SIN3A: variants seen among roughly 807,000 people sequenced by gnomAD.
SIN3A encodes the protein SIN3 transcription regulator family member A, also known as paired amphipathic helix protein Sin3a.
In SIN3A, 14 loss-of-function variants were observed where a neutral mutation model predicts 146.1. The ratio of observed to expected loss-of-function variants is 0.10; its 90% CI spans 0.06 to 0.15. The LOEUF is 0.15. SIN3A is among the 10% of genes least tolerant of loss of function. The pLI is 1.00. For synonymous variants in SIN3A, 572 were observed against 572.0 expected (o/e 1.00, Z 0.00); for missense variants, 1,028 against 1,576.0 (o/e 0.65, Z 5.89).
At position 75,373,823 on chromosome 15, in the gene SIN3A, T is replaced by C. The variant is rs528164323; in HGVS notation, c.3592-1614A>G. ...TACATACAACATACAAAATATGTTG[T>C]TTATCAGTAAGCCTTCCAGTCAGTA... On this transcript the variant is annotated intron_variant, in intron 20 of 20. Coordinates refer to ENST00000394947, the MANE Select transcript of SIN3A (RefSeq NM_001145358.2). 9.9e-5 allele frequency among the ~76,000 whole-genome samples: 15 copies of C among 152,200 alleles called. 1 individual carries two copies. The East Asian group carries it at 2.1e-3, about 22-fold the overall frequency.
intron 1 of SIN3A, among the ~76,000 whole-genome samples, chr15:75,433,639 T>C (rs2074053006): frequency 6.6e-6 from 1 of 151,236 alleles, no homozygotes; most frequent in African/African-American, 2.4e-5. Flanking sequence ...TGAAACCCCG[T>C]CTCTACTAAA....
At position 75,411,600 on chromosome 15, in the gene SIN3A, T is replaced by G; in HGVS notation, c.900A>C (p.Gln300His). Residue 300 changes from glutamine to histidine, a missense_variant, in exon 6 of 21, where the codon CAA becomes CAC. Gln to His is a conservative substitution (Grantham distance 24). Coordinates refer to ENST00000394947, the MANE Select transcript of SIN3A (RefSeq NM_001145358.2). The stretch of plus-strand genomic sequence containing the variant: ...TGATGGCATGATTAAACTCCACAGG[T>G]TGATTGTTCTGCAAGGATGGGGCCG... Reference protein sequence around the residue: ...LGTAPSLQNNQPVEFNHAINY... With the variant: ...LGTAPSLQNNHPVEFNHAINY... The G allele has an allele frequency of 6.2e-7, 1 of 1,614,054 alleles. No individual in the cohort carries two copies. Among genetic ancestry groups the G allele is most frequent in the Non-Finnish European group, 8.5e-7 (1 of 1,180,004 alleles).
upstream of SIN3A, among the ~76,000 whole-genome samples, chr15:75,452,664 A>G (rs1020482207): frequency 4.6e-5 from 7 of 152,218 alleles, no homozygotes; most frequent in Non-Finnish European, 1.0e-4. Flanking sequence ...GGCGGGCTCT[A>G]ACAGCCACCG....
At chr15:75,427,425 T>C (rs1015881188) in intron 2 of SIN3A, among the ~76,000 whole-genome samples, 3 of 151,782 alleles carry the variant, frequency 2.0e-5, no homozygotes, top group Admixed American at 2.0e-4. Context: ...ATCCCAGCAC[T>C]TTGGAAGGCA....
chr15:75,426,199 C>G (rs1186158308), intron 2 of SIN3A, among the ~76,000 whole-genome samples: 2 of 152,176 alleles, frequency 1.3e-5, no homozygotes, highest in Non-Finnish European at 2.9e-5. Context: ...CCAAGGTAAA[C>G]AAGCAACTTT....
At chr15:75,438,688 C>CA (rs912228441) in intron 1 of SIN3A, among the ~76,000 whole-genome samples, 19 of 151,530 alleles carry the variant, frequency 1.3e-4, no homozygotes, top group Non-Finnish European at 2.5e-4. Context: ...GACCCTGTCT[C>CA]AAAAAAACAA....
chr15:75,390,451 A>G (rs1256750601), intron 15 of SIN3A, among the ~76,000 whole-genome samples: 1 of 152,256 alleles, frequency 6.6e-6, no homozygotes, highest in Non-Finnish European at 1.5e-5. Flanking sequence ...AATCATTTCA[A>G]TCACTAGCTA....
At position 75,394,645 on chromosome 15, in the gene SIN3A, G is replaced by C. The variant is rs9972310; in HGVS notation, c.2277+35C>G. 1.3e-3 allele frequency: 2,009 copies of C among 1,540,474 alleles called. 18 individuals carry two copies. In the African/African-American group the frequency reaches 0.021, roughly 16 times the overall value. ...TCAAAGCTGTGCTAAATATAGACTA[G>C]AGTCCTCTCACAGATGCAGAAACCC... On this transcript the variant is annotated intron_variant, in intron 14 of 20. Coordinates refer to ENST00000394947, the MANE Select transcript of SIN3A (RefSeq NM_001145358.2).
intron 1 of SIN3A, chr15:75,436,445 T>A (rs1273091227): frequency 3.3e-5 from 5 of 152,082 alleles, no homozygotes; most frequent in Non-Finnish European, 5.9e-5. Flanking sequence ...CACTCGAGCC[T>A]GGACAAAAAA....
chr15:75,393,688 A>C (rs2073251203), intron 14 of SIN3A, among the ~76,000 whole-genome samples: 1 of 151,836 alleles, frequency 6.6e-6, no homozygotes, highest in African/African-American at 2.4e-5. Context: ...CTATCTTTCA[A>C]AATTCTGGAT....
chr15:75,418,246 G>C (rs1338687226), intron 3 of SIN3A, among the ~76,000 whole-genome samples: 1 of 152,016 alleles, frequency 6.6e-6, no homozygotes, highest in Non-Finnish European at 1.5e-5. Context: ...TGGCCAGGCT[G>C]GTCTCAATCT....
chr15:75,374,958 C>G (rs372812543), intron 20 of SIN3A, among the ~76,000 whole-genome samples: 1 of 152,120 alleles, frequency 6.6e-6, no homozygotes, highest in Non-Finnish European at 1.5e-5. Flanking sequence ...ACACCCTATA[C>G]GCAGCTGCAC....
intron 2 of SIN3A, among the ~76,000 whole-genome samples, chr15:75,424,263 C>T (rs2073887916): frequency 6.6e-6 from 1 of 151,842 alleles, no homozygotes; most frequent in Non-Finnish European, 1.5e-5. Flanking sequence ...GGAGAAACCC[C>T]ATCTCTACTG....
chr15:75,444,349 G>A (rs1192529306), intron 1 of SIN3A, among the ~76,000 whole-genome samples: 1 of 152,108 alleles, frequency 6.6e-6, no homozygotes, highest in Non-Finnish European at 1.5e-5. Flanking sequence ...GTTGAGGCAG[G>A]AGAACCAGTT....
chr15:75,372,561 C>T (rs1368424381), intron 20 of SIN3A, among the ~76,000 whole-genome samples: 1 of 152,106 alleles, frequency 6.6e-6, no homozygotes. Context: ...GTGACTCATG[C>T]CTGTAATCCT....
intron 14 of SIN3A, among the ~76,000 whole-genome samples, chr15:75,394,054 C>T (rs112443576): frequency 1.3e-5 from 2 of 152,088 alleles, no homozygotes; most frequent in East Asian, 1.9e-4. Flanking sequence ...GTGATCTGCC[C>T]GCCTCAGCCT....
In SIN3A at chr15:75,369,471, T is replaced by C. The variant is rs1373438937; in HGVS notation, c.*2508A>G. ...AGGTGACTAAGTACAGAATAACAAA[T>C]GTGATTTAAAACAAAGATAACCTGC... is the stretch of plus-strand genomic sequence containing the variant. On this transcript the variant is annotated 3_prime_UTR_variant, in exon 21 of 21. Transcript: ENST00000394947. The C allele has an allele frequency of 2.6e-5, 4 of 152,182 alleles. No homozygotes were observed. Among genetic ancestry groups the C allele is most frequent in the Non-Finnish European group, 5.9e-5 (4 of 68,032 alleles). The allele number at this position is 152,182 out of a possible 1,614,324, so 9.4% of individuals were successfully genotyped here.
chr15:75,453,909 G>A (rs2074447106), upstream of SIN3A: 1 of 152,372 alleles, frequency 6.6e-6, no homozygotes, highest in Non-Finnish European at 1.5e-5. Context: ...GTGGCTTCTC[G>A]GCTCTCCCCG....
At chr15:75,449,561 T>TC (rs2074364412) in intron 1 of SIN3A, among the ~76,000 whole-genome samples, 1 of 152,192 alleles carries the variant, frequency 6.6e-6, no homozygotes, top group Non-Finnish European at 1.5e-5. Flanking sequence ...AAGGCAACTC[T>TC]CCAATACAGG....
Sources: allele counts gnomAD v4.1 joint callset (sites outside exome capture counted in the v4.1 genomes callset), GRCh38; gene constraint gnomAD v4.1.1; transcripts MANE v1.5; gene names NCBI Gene and HGNC (gene_info 2026-07-23, HGNC 2026-07-21).